Variants in SHROOM2 observed in about 807,000 individuals in gnomAD.
The protein encoded by SHROOM2 is shroom family member 2.
SHROOM2 carries 33 observed loss-of-function variants against 75.9 expected under a neutral mutation model. The ratio of observed to expected loss-of-function variants is 0.43; its 90% CI spans 0.33 to 0.58. The LOEUF (loss-of-function observed/expected upper bound fraction) is 0.58. Ranked by LOEUF, SHROOM2 falls within the 20% of genes least tolerant of loss-of-function variation. The pLI is 0.04. For synonymous variants in SHROOM2, 655 were observed against 663.6 expected, an observed-to-expected ratio of 0.99 and a Z score of 0.20; for missense variants, 1,434 against 1,461.2, an observed-to-expected ratio of 0.98 and a Z score of 0.30.
At chrX:9,907,382 T>C (rs764132345) in intron 5 of SHROOM2, among the ~76,000 whole-genome samples, 1 of 111,270 alleles carries the variant, frequency 9.0e-6, no homozygotes, top group South Asian at 3.8e-4. Flanking sequence ...GTTTGCCCAC[T>C]GTATGCACCA....
At chrX:9,847,178 C>T (rs779679171) in intron 1 of SHROOM2, among the ~76,000 whole-genome samples, 2 of 112,489 alleles carry the variant, frequency 1.8e-5, no homozygotes, top group South Asian at 7.4e-4. Context: ...TAATGTTCAA[C>T]CCCAGTGAAG....
At chrX:9,816,610 GCTA>G (rs2083823918) in intron 1 of SHROOM2, among the ~76,000 whole-genome samples, 1 of 110,279 alleles carries the variant, frequency 9.1e-6, no homozygotes, top group African/African-American at 3.4e-5. Flanking sequence ...TGCTGCTGCT[GCTA>G]CTTTCTGAGC....
At chrX:9,847,760 C>T (rs1207880510) in intron 1 of SHROOM2, among the ~76,000 whole-genome samples, 1 of 110,805 alleles carries the variant, frequency 9.0e-6, no homozygotes, top group Non-Finnish European at 1.9e-5. Context: ...AATGCTTGTG[C>T]TGAGTTACAT....
At chrX:9,799,383 C>G (rs1292202581) in intron 1 of SHROOM2, among the ~76,000 whole-genome samples, 4 of 109,819 alleles carry the variant, frequency 3.6e-5, no homozygotes, top group African/African-American at 1.3e-4. Context: ...CCAGGCTGGT[C>G]TCGAACTCCT....
chrX:9,901,643 T>A (rs1359309846), intron 5 of SHROOM2, among the ~76,000 whole-genome samples: 1 of 111,998 alleles, frequency 8.9e-6, no homozygotes, highest in Non-Finnish European at 1.9e-5. Flanking sequence ...ACCTTCTGGT[T>A]CAGTCAATCC....
chrX:9,853,295 C>T (rs1308382347), intron 1 of SHROOM2, among the ~76,000 whole-genome samples: 4 of 111,924 alleles, frequency 3.6e-5, no homozygotes, highest in African/African-American at 6.5e-5. Context: ...CATTCAGTGG[C>T]CACACCAGCA....
chrX:9,904,574 G>A (rs773426953), intron 5 of SHROOM2, among the ~76,000 whole-genome samples: 11 of 112,002 alleles, frequency 9.8e-5, no homozygotes, highest in African/African-American at 3.6e-4. Flanking sequence ...CGTAGCACGT[G>A]CTGACGTGGC....
chrX:9,848,510 C>CACAAAAAAAA (rs1555927073), intron 1 of SHROOM2, among the ~76,000 whole-genome samples: 12 of 22,019 alleles, frequency 5.4e-4, no homozygotes, highest in African/African-American at 1.8e-3. Flanking sequence ...GACTCCGTCT[C>CACAAAAAAAA]AAAAAAAAAA....
intron 1 of SHROOM2, among the ~76,000 whole-genome samples, chrX:9,872,645 G>A (rs5934712): frequency 9.0e-6 from 1 of 111,205 alleles, no homozygotes; most frequent in East Asian, 2.8e-4. Flanking sequence ...ACATTGGGAG[G>A]ATACTGTGTT....
At chrX:9,914,068 C>T (rs1366499737) in intron 5 of SHROOM2, among the ~76,000 whole-genome samples, 1 of 66,145 alleles carries the variant, frequency 1.5e-5, no homozygotes, top group Non-Finnish European at 2.8e-5. Flanking sequence ...CACCCCCCTG[C>T]CCCCCCGCCC....
At chrX:9,794,740 C>T (rs934950063) in intron 1 of SHROOM2, among the ~76,000 whole-genome samples, 2 of 112,113 alleles carry the variant, frequency 1.8e-5, no homozygotes, top group Non-Finnish European at 3.8e-5. Context: ...CTGGCCCCAG[C>T]CAGTGTACCC....
chrX:9,932,544 GGGCGTCCTC>G lies in SHROOM2; in HGVS notation c.3265_3273del (p.Val1089_Gly1091del). Reference sequence around the variant, plus strand: ...ACGGCGCACCTGCTGACGCCCCCGTGGGCGTCCTCGGCAGGCCCTTCCCAACGCCATCCC... The same window carrying G: ...ACGGCGCACCTGCTGACGCCCCCGTGGGCAGGCCCTTCCCAACGCCATCCC... On this transcript the variant is annotated inframe_deletion, in exon 6 of 10. Transcript: ENST00000380913. 8.3e-7 allele frequency: 1 copy of G among 1,211,196 alleles called. No individual in the cohort carries two copies. The highest frequency in any genetic ancestry group is 1.1e-6 in the Non-Finnish European group (1 of 895,291).
At chrX:9,934,659 C>T (rs184108930) in intron 6 of SHROOM2, among the ~76,000 whole-genome samples, 137 of 111,482 alleles carry the variant, frequency 1.2e-3, no homozygotes, top group Non-Finnish European at 2.1e-3. Flanking sequence ...TGAAACTGTT[C>T]TCATGTGGAA....
chrX:9,942,973 T>C (rs2084785296), intron 8 of SHROOM2, among the ~76,000 whole-genome samples: 1 of 111,328 alleles, frequency 9.0e-6, no homozygotes, highest in Non-Finnish European at 1.9e-5. Flanking sequence ...GGAGGATTTC[T>C]TTATGGAAAG....
chrX:9,884,098 C>T (rs1199133160), intron 2 of SHROOM2, among the ~76,000 whole-genome samples: 1 of 111,731 alleles, frequency 9.0e-6, no homozygotes, highest in Non-Finnish European at 1.9e-5. Context: ...AAGCCCCCCA[C>T]GTATGTAATA....
At chrX:9,867,350 G>A (rs1270841997) in intron 1 of SHROOM2, among the ~76,000 whole-genome samples, 1 of 111,414 alleles carries the variant, frequency 9.0e-6, no homozygotes, top group Admixed American at 9.6e-5. Flanking sequence ...CACCTGGGCC[G>A]GCATCGTCAT....
At chrX:9,888,840 A>T (rs146311313) in intron 2 of SHROOM2, among the ~76,000 whole-genome samples, 87 of 112,347 alleles carry the variant, frequency 7.7e-4, no homozygotes, top group African/African-American at 2.7e-3. Context: ...TATTGTACCC[A>T]TGGAGAACTG....
At chrX:9,943,154 A>G (rs1489235768) in intron 8 of SHROOM2, among the ~76,000 whole-genome samples, 1 of 109,838 alleles carries the variant, frequency 9.1e-6, no homozygotes, top group Non-Finnish European at 1.9e-5. Flanking sequence ...TGAGCCCAGG[A>G]GGTCACTGCT....
In SHROOM2 at chrX:9,806,906, T is replaced by G. The variant is rs183608760; in HGVS notation, c.165+20196T>G. 9.6e-4 allele frequency among the ~76,000 whole-genome samples: 107 copies of G among 111,490 alleles called. 1 individual carries two copies. The East Asian group carries it at 0.017, about 17-fold the overall frequency. On this transcript the variant is annotated intron_variant, in intron 1 of 9. Coordinates refer to ENST00000380913, the MANE Select transcript of SHROOM2 (RefSeq NM_001649.4). ...ACCTGGCTAATTTTTGTATTTTTAG[T>G]CGAGCTGGGCTTTCACCATGTTAGC...
Sources: allele counts gnomAD v4.1 joint callset (sites outside exome capture counted in the v4.1 genomes callset), GRCh38; gene constraint gnomAD v4.1.1; transcripts MANE v1.5; gene names NCBI Gene and HGNC (gene_info 2026-07-23, HGNC 2026-07-21).